Variants in SEMA6D observed in about 807,000 individuals in gnomAD.
SEMA6D encodes the protein semaphorin 6D, also known as semaphorin-6D.
In SEMA6D, 35 loss-of-function variants were observed where a neutral mutation model predicts 106.6. That is an observed-to-expected ratio of 0.33 (90% CI 0.25 to 0.44). The LOEUF (loss-of-function observed/expected upper bound fraction) is 0.44. SEMA6D is among the 20% of genes least tolerant of loss of function. SEMA6D has a pLI of 1.00. For synonymous variants in SEMA6D, 499 were observed against 487.7 expected (o/e 1.02, Z -0.31); for missense variants, 1,185 against 1,345.9 (o/e 0.88, Z 1.87).
chr15:47,757,931 GAT>G (rs1257566074), intron 1 of SEMA6D, among the ~76,000 whole-genome samples: 1 of 152,128 alleles, frequency 6.6e-6, no homozygotes, highest in Admixed American at 6.6e-5. Context: ...ATATTTTACA[GAT>G]AAAGAAACTA....
intron 1 of SEMA6D, among the ~76,000 whole-genome samples, chr15:47,207,155 G>T (rs1895128520): frequency 6.6e-6 from 1 of 152,138 alleles, no homozygotes; most frequent in East Asian, 1.9e-4. Flanking sequence ...AGCCTTGAAA[G>T]AATTTTAAAA....
At chr15:47,318,462 G>A (rs536866038) in intron 1 of SEMA6D, among the ~76,000 whole-genome samples, 5 of 136,058 alleles carry the variant, frequency 3.7e-5, no homozygotes, top group Admixed American at 7.9e-5. Flanking sequence ...GTTCCCCTTC[G>A]TGTGTCCATG....
At chr15:47,685,603 T>TC (rs1721615880) in intron 4 of SEMA6D, among the ~76,000 whole-genome samples, 1 of 152,134 alleles carries the variant, frequency 6.6e-6, no homozygotes, top group Admixed American at 6.6e-5. Flanking sequence ...ATGACCCCCT[T>TC]CAAGACACCA....
intron 3 of SEMA6D, among the ~76,000 whole-genome samples, chr15:47,503,158 T>C (rs187112968): frequency 5.7e-4 from 87 of 152,322 alleles, no homozygotes; most frequent in Non-Finnish European, 6.6e-4. Context: ...AAACTTGACC[T>C]TTAGTGATAT....
chr15:47,686,955 A>G (rs1008831721), intron 4 of SEMA6D, among the ~76,000 whole-genome samples: 2 of 151,606 alleles, frequency 1.3e-5, no homozygotes, highest in African/African-American at 4.8e-5. Flanking sequence ...AGTCCTAGCT[A>G]CTCAGGAGGC....
chr15:47,515,209 A>G (rs1345678156), intron 3 of SEMA6D, among the ~76,000 whole-genome samples: 1 of 151,950 alleles, frequency 6.6e-6, no homozygotes, highest in Non-Finnish European at 1.5e-5. Context: ...TTCAAATATC[A>G]CCTTCTCAAA....
intron 1 of SEMA6D, among the ~76,000 whole-genome samples, chr15:47,746,146 T>G (rs2081119566): frequency 6.6e-6 from 1 of 152,190 alleles, no homozygotes; most frequent in South Asian, 2.1e-4. Flanking sequence ...GACTAAAAAT[T>G]CTTGGCTTTT....
intron 4 of SEMA6D, among the ~76,000 whole-genome samples, chr15:47,692,813 G>A (rs1050395957): frequency 1.3e-5 from 2 of 152,090 alleles, no homozygotes; most frequent in African/African-American, 4.8e-5. Context: ...TAGCAGCTCT[G>A]CTTCAAAAGC....
chr15:47,544,424 A>G (rs2142273854), intron 3 of SEMA6D, among the ~76,000 whole-genome samples: 1 of 152,260 alleles, frequency 6.6e-6, no homozygotes, highest in South Asian at 2.1e-4. Flanking sequence ...TTGAATATCT[A>G]CTATTTGTCA....
intron 2 of SEMA6D, among the ~76,000 whole-genome samples, chr15:47,416,139 A>G (rs2040959854): frequency 6.6e-6 from 1 of 152,078 alleles, no homozygotes; most frequent in Admixed American, 6.6e-5. Flanking sequence ...ACCATTGTGG[A>G]GATACTTACT....
At chr15:47,315,028 G>C (rs988729921) in intron 1 of SEMA6D, among the ~76,000 whole-genome samples, 1 of 151,046 alleles carries the variant, frequency 6.6e-6, no homozygotes, top group Non-Finnish European at 1.5e-5. Context: ...ATCACGCCCG[G>C]CTAATTTTTT....
At chr15:47,312,068 A>G (rs888321848) in intron 1 of SEMA6D, among the ~76,000 whole-genome samples, 22 of 151,738 alleles carry the variant, frequency 1.4e-4, no homozygotes, top group Non-Finnish European at 2.6e-4. Context: ...TGTTGGCCTG[A>G]CCACCCCAGT....
chr15:47,605,549 C>T (rs745463352), intron 4 of SEMA6D, among the ~76,000 whole-genome samples: 1 of 78,150 alleles, frequency 1.3e-5, no homozygotes, highest in African/African-American at 5.0e-5. Flanking sequence ...CTTCAGATGC[C>T]AACTGCAGAT....
At position 47,374,620 on chromosome 15, in the gene SEMA6D, A is replaced by G. The variant is rs1205800668; in HGVS notation, c.-238-37773A>G. On this transcript the variant is annotated intron_variant, in intron 1 of 19. Coordinates refer to the SEMA6D transcript ENST00000558014. ...GGCTTGATTTGGCTGTGTCCACTAC[A>G]TATGAGGCCCACTGCATTAAGATAA... 2.6e-5 allele frequency among the ~76,000 whole-genome samples: 4 copies of G among 152,298 alleles called. No homozygotes were observed. The East Asian group carries it at 7.7e-4, about 29-fold the overall frequency.
At chr15:47,682,777 A>AT (rs1246508357) in intron 4 of SEMA6D, among the ~76,000 whole-genome samples, 1 of 152,202 alleles carries the variant, frequency 6.6e-6, no homozygotes, top group African/African-American at 2.4e-5. Flanking sequence ...CTGACTACTC[A>AT]TTTTTTTGAA....
At chr15:47,468,377 T>A (rs2141131239) in intron 2 of SEMA6D, among the ~76,000 whole-genome samples, 1 of 152,324 alleles carries the variant, frequency 6.6e-6, no homozygotes, top group South Asian at 2.1e-4. Context: ...AACAAGTGTC[T>A]GAGCACTAGC....
At chr15:47,318,264 T>C (rs1280383783) in intron 1 of SEMA6D, among the ~76,000 whole-genome samples, 1 of 151,556 alleles carries the variant, frequency 6.6e-6, no homozygotes, top group Non-Finnish European at 1.5e-5. Flanking sequence ...TTTTCTTTTT[T>C]TTAAAATTTA....
chr15:47,553,651 C>A (rs760104986), intron 3 of SEMA6D, among the ~76,000 whole-genome samples: 14 of 152,166 alleles, frequency 9.2e-5, no homozygotes, highest in Middle Eastern at 6.8e-3. Context: ...AGGTGCAAAC[C>A]AGGCTGTATT....
At chr15:47,263,156 G>T (rs1171504466) in intron 1 of SEMA6D, among the ~76,000 whole-genome samples, 1 of 152,014 alleles carries the variant, frequency 6.6e-6, no homozygotes, top group Non-Finnish European at 1.5e-5. Flanking sequence ...TTATGATGAA[G>T]ATGCCAAAAG....
Sources: gnomAD v4.1 joint callset for allele counts (sites outside exome capture counted in the v4.1 genomes callset) on GRCh38, gnomAD v4.1.1 for gene constraint, MANE v1.5 for transcripts, NCBI Gene and HGNC (gene_info 2026-07-23, HGNC 2026-07-21) for gene names.